The following DENND5B variants were observed in gnomAD, a reference collection of about 807,000 sequenced individuals.
The protein encoded by DENND5B is DENN domain containing 5B.
Under a neutral mutation model 140.6 loss-of-function variants are expected in DENND5B, and 34 were observed. That is an observed-to-expected ratio of 0.24 (90% confidence interval 0.18 to 0.32). DENND5B has a LOEUF of 0.32. Ranked by LOEUF, DENND5B falls within the 10% of genes least tolerant of loss-of-function variation. The pLI is 1.00. For missense variants in DENND5B, 1,142 were observed against 1,560.2 expected, an observed-to-expected ratio of 0.73 and a Z score of 4.52; for synonymous variants, 551 against 562.1, an observed-to-expected ratio of 0.98 and a Z score of 0.28.
intron 1 of DENND5B, among the ~76,000 whole-genome samples, chr12:31,534,263 G>A (rs1003380231): frequency 2.0e-5 from 3 of 151,938 alleles, no homozygotes; most frequent in African/African-American, 4.8e-5. Context: ...AGGTTCAAGC[G>A]ATTCTCATGC....
At chr12:31,411,406 G>A (rs1298056927) in intron 13 of DENND5B, among the ~76,000 whole-genome samples, 2 of 141,032 alleles carry the variant, frequency 1.4e-5, no homozygotes, top group Admixed American at 7.6e-5. Context: ...GTGCAGTGGC[G>A]CGATCTCGGC....
rs2137230117 is a variant in DENND5B, at chr12:31,387,107, A to G, written c.*496T>C. The G allele has an allele frequency of 6.5e-6, 1 of 152,766 alleles. No homozygotes were observed. The highest frequency in any genetic ancestry group is 6.5e-5 in the Admixed American group (1 of 15,336). 9.5% of individuals were successfully genotyped at this position (152,766 alleles called of 1,614,324 possible). A position where few individuals can be genotyped will look rare whatever the true frequency, so the allele number is the denominator to read the frequency against. On this transcript the variant is annotated 3_prime_UTR_variant, in exon 21 of 21. Transcript: ENST00000389082. ...GTGAAGACTACCAGTACAGTAGGTA[A>G]AGCTGTGTGCATCCACAATACAAAG...
Position 31,387,626 on chromosome 12 carries a change from G to C in DENND5B, c.3802C>G (p.Leu1268Val). Reference sequence around the variant, plus strand: ...GGTTACACATCCACTCCTTTGATGAGTGATCCTTCTAGGACTATGGTGAAG... The same window carrying C: ...GGTTACACATCCACTCCTTTGATGACTGATCCTTCTAGGACTATGGTGAAG... Reference protein sequence around the residue: ...QDFTIVLEGSLIKGVDV With the variant: ...QDFTIVLEGSVIKGVDV The change falls in exon 21 of 21, where the codon CTC becomes GTC. Residue 1268 changes from leucine (L) to valine (V), a missense_variant. Physicochemically the swap from Leu to Val is conservative, Grantham distance 32 (BLOSUM62 1). Around this residue, in one of 5 missense-constraint regions of DENND5B, gnomAD observed 125 missense variants for 179.0 expected, o/e 0.70. Coordinates refer to ENST00000389082, the MANE Select transcript of DENND5B (RefSeq NM_144973.4). 1 of 1,613,904 alleles carries C rather than the reference G, an allele frequency of 6.2e-7. No homozygotes were observed. Among genetic ancestry groups the C allele is most frequent in the Non-Finnish European group, 8.5e-7 (1 of 1,179,826 alleles).
intron 4 of DENND5B, among the ~76,000 whole-genome samples, chr12:31,452,917 C>T (rs758200909): frequency 6.6e-6 from 1 of 152,204 alleles, no homozygotes; most frequent in Non-Finnish European, 1.5e-5. Flanking sequence ...TGTGGGTAAG[C>T]GTGCCCAGAC....
At chr12:31,401,956 T>C (rs1364753330) in intron 15 of DENND5B, among the ~76,000 whole-genome samples, 2 of 151,674 alleles carry the variant, frequency 1.3e-5, no homozygotes, top group Non-Finnish European at 2.9e-5. Flanking sequence ...ATTCTATAAA[T>C]GTCACCATGT....
chr12:31,479,854 C>T lies in DENND5B; in HGVS notation c.639G>A (p.Lys213=). 1.2e-6 allele frequency: 2 copies of T among 1,613,846 alleles called. No individual in the cohort carries two copies. The highest frequency in any genetic ancestry group is 1.7e-6 in the Non-Finnish European group (2 of 1,179,846). ...ACKKFLIQLY[K]AVTSQQPPPL... ...GTGGTGGCTGCTGTGAGGTAACAGC[C>T]TTGTAAAGCTGGATAAGGAATTTCT... The change falls in exon 3 of 21, where the codon AAG becomes AAA. Residue 213 remains lysine (K), a synonymous_variant. Coordinates refer to ENST00000389082, the MANE Select transcript of DENND5B (RefSeq NM_144973.4).
chr12:31,410,145 G>T (rs546113412), intron 13 of DENND5B, among the ~76,000 whole-genome samples: 1 of 152,290 alleles, frequency 6.6e-6, no homozygotes, highest in East Asian at 1.9e-4. Context: ...TGACAAGGAA[G>T]AAATGAATGC....
At chr12:31,437,011 C>T (rs567107916) in intron 7 of DENND5B, among the ~76,000 whole-genome samples, 3 of 152,268 alleles carry the variant, frequency 2.0e-5, no homozygotes, top group East Asian at 3.9e-4. Context: ...CCATCCTGTA[C>T]GCCTCAATTA....
rs1390094940 is a variant in DENND5B, at chr12:31,590,878, G to T, written c.-46C>A. On this transcript the variant is annotated 5_prime_UTR_variant, in exon 1 of 21. Transcript: ENST00000389082. The stretch of plus-strand genomic sequence containing the variant: ...GGCCGCCGCCGCCGCCGCCCGGGAA[G>T]GCTTTCTGCGGAGGCTGCCACCACC... 1.7e-6 allele frequency: 2 copies of T among 1,184,236 alleles called. No individual in the cohort carries two copies. Among genetic ancestry groups the T allele is most frequent in the East Asian group, 3.8e-5 (1 of 26,234 alleles). 73.4% of individuals were successfully genotyped at this position (1,184,236 alleles called of 1,614,324 possible).
intron 7 of DENND5B, among the ~76,000 whole-genome samples, chr12:31,439,929 C>CAAAAAAAA (rs67272470): frequency 2.5e-4 from 13 of 52,292 alleles, no homozygotes; most frequent in Admixed American, 7.6e-4. Flanking sequence ...GACTCCGTCT[C>CAAAAAAAA]AAAAAAAAAA....
intron 3 of DENND5B, among the ~76,000 whole-genome samples, chr12:31,468,304 T>G (rs1466363352): frequency 6.6e-6 from 1 of 152,016 alleles, no homozygotes; most frequent in Non-Finnish European, 1.5e-5. Flanking sequence ...AATGAAAGTA[T>G]CAGATACTAA....
chr12:31,529,179 GAAAAGAA>G (rs1948197392), intron 1 of DENND5B, among the ~76,000 whole-genome samples: 1 of 131,060 alleles, frequency 7.6e-6, no homozygotes, highest in Non-Finnish European at 1.6e-5. Flanking sequence ...AAAAAAAAAA[GAAAAGAA>G]AAAAGGCATG....
intron 14 of DENND5B, among the ~76,000 whole-genome samples, chr12:31,407,584 A>G (rs751238266): frequency 6.6e-5 from 10 of 152,146 alleles, no homozygotes; most frequent in Non-Finnish European, 7.4e-5. Flanking sequence ...GCCAAAACCT[A>G]CACAATTCTG....
At chr12:31,580,201 TATAA>T (rs1950170202) in intron 1 of DENND5B, among the ~76,000 whole-genome samples, 1 of 152,080 alleles carries the variant, frequency 6.6e-6, no homozygotes, top group African/African-American at 2.4e-5. Context: ...GGCACTAGTT[TATAA>T]ATAAATAAGA....
rs528930521 is a variant in DENND5B at position 31,560,819 on chromosome 12, C to T, written c.127+29887G>A. ...TGATGTTTACTTTGGGATACTTTTC[C>T]CAAATATCTACTTGGCTAACTCCCT... is the stretch of plus-strand genomic sequence containing the variant. On this transcript the variant is annotated intron_variant, in intron 1 of 20. Coordinates refer to ENST00000389082, the MANE Select transcript of DENND5B (RefSeq NM_144973.4). Among the ~76,000 whole-genome samples, 60 of 152,240 alleles carry T rather than the reference C, an allele frequency of 3.9e-4. No homozygotes were observed. In the Middle Eastern group the frequency reaches 0.02, roughly 52 times the overall value.
chr12:31,569,058 ACC>A (rs1476127866), intron 1 of DENND5B, among the ~76,000 whole-genome samples: 4 of 109,664 alleles, frequency 3.6e-5, no homozygotes, highest in Admixed American at 8.9e-5. Flanking sequence ...CCAGCAACAT[ACC>A]TTTTTTTTTT....
chr12:31,462,225 C>T (rs921331091), intron 3 of DENND5B, among the ~76,000 whole-genome samples: 6 of 152,072 alleles, frequency 3.9e-5, no homozygotes, highest in Non-Finnish European at 8.8e-5. Flanking sequence ...TAGGCTGAGA[C>T]AGCTGGTACT....
At chr12:31,529,421 C>A (rs1027345738) in intron 1 of DENND5B, among the ~76,000 whole-genome samples, 3 of 152,166 alleles carry the variant, frequency 2.0e-5, no homozygotes, top group Non-Finnish European at 2.9e-5. Context: ...ATGTATGCAG[C>A]TAATCAAATG....
rs1942310579 is a variant in DENND5B at position 31,409,248 on chromosome 12, A to T, written c.2803+15T>A. ...TCACCTCAGTAACCCTTAACGGTCA[A>T]TTCTCTAGACTTACTGATAGTGGTG... On this transcript the variant is annotated intron_variant, in intron 14 of 20. Transcript: ENST00000389082. 6 of 1,558,534 alleles carry T rather than the reference A, an allele frequency of 3.8e-6. No individual in the cohort carries two copies. The highest frequency in any genetic ancestry group is 5.2e-6 in the Non-Finnish European group (6 of 1,154,068).
Sources: allele counts gnomAD v4.1 joint callset (sites outside exome capture counted in the v4.1 genomes callset), GRCh38; gene constraint gnomAD v4.1.1; regional missense constraint gnomAD v4.1.1; transcripts MANE v1.5; gene names NCBI Gene and HGNC (gene_info 2026-07-23, HGNC 2026-07-21).